PHKA1: variants seen among roughly 807,000 people sequenced by gnomAD.
PHKA1 encodes the protein phosphorylase b kinase regulatory subunit alpha, skeletal muscle isoform.
In PHKA1, 60 loss-of-function variants were observed where a neutral mutation model predicts 110.2. The observed-to-expected ratio is 0.54, with a 90% CI of 0.44 to 0.68. The LOEUF (loss-of-function observed/expected upper bound fraction) is 0.68. Ranked by LOEUF, PHKA1 falls within the 30% of genes least tolerant of loss-of-function variation. PHKA1 has a pLI of 0.00. For missense variants in PHKA1, 801 were observed against 942.5 expected, an observed-to-expected ratio of 0.85 and a Z score of 1.97; for synonymous variants, 316 against 333.6, an observed-to-expected ratio of 0.95 and a Z score of 0.58.
intron 23 of PHKA1, among the ~76,000 whole-genome samples, chrX:72,606,734 C>T (rs1244324287): frequency 9.0e-6 from 1 of 110,994 alleles, no homozygotes; most frequent in Non-Finnish European, 1.9e-5. Flanking sequence ...TACACCCTTT[C>T]AGTTATTTTA....
chrX:72,643,177 G>A (rs782607100), intron 14 of PHKA1, among the ~76,000 whole-genome samples: 8 of 110,962 alleles, frequency 7.2e-5, no homozygotes, highest in Middle Eastern at 9.2e-3. Flanking sequence ...CTGGTTTTAA[G>A]CTGGGAATAC....
At chrX:72,601,573 A>T (rs1431498762) in intron 28 of PHKA1, among the ~76,000 whole-genome samples, 1 of 110,639 alleles carries the variant, frequency 9.0e-6, no homozygotes, top group Non-Finnish European at 1.9e-5. Context: ...CGAGGATAGG[A>T]GTTTCTGGCT....
intron 28 of PHKA1, among the ~76,000 whole-genome samples, chrX:72,600,858 A>G (rs1569426532): frequency 1.8e-5 from 2 of 111,772 alleles, no homozygotes; most frequent in Non-Finnish European, 3.8e-5. Context: ...AAAGCTAAAA[A>G]AAAGAAACGA....
intron 8 of PHKA1, among the ~76,000 whole-genome samples, chrX:72,665,338 C>A (rs2053605495): frequency 9.0e-6 from 1 of 111,233 alleles, no homozygotes; most frequent in Admixed American, 9.6e-5. Context: ...CAAGATTGAA[C>A]CAAGAAGAAA....
At chrX:72,587,710 TAGGCTCAAAATAA>T (rs1251418192) in intron 29 of PHKA1, among the ~76,000 whole-genome samples, 1 of 111,000 alleles carries the variant, frequency 9.0e-6, no homozygotes, top group East Asian at 2.8e-4. Context: ...GAGACACACA[TAGGCTCAAAATAA>T]AGGGATAGAA....
Position 72,601,999 on chromosome X carries a change from C to T in PHKA1, c.3064G>A (p.Glu1022Lys), listed in dbSNP as rs2052663523. ...ATCCCTAGTTGTTTCACCTGACTCT[C>T]AGCTGAGATTGACAGTCTACGAAAT... is the stretch of plus-strand genomic sequence containing the variant. ...VEFRRLSISAESQSPGTSMTP... is the reference protein window; with the variant it reads ...VEFRRLSISAKSQSPGTSMTP... Residue 1022 changes from glutamate (E) to lysine (K), a missense_variant, in exon 28 of 32, where the codon GAG becomes AAG. This residue lies in a region of PHKA1 where 502 missense variants were observed against 519.2 expected (regional missense o/e 0.97). Coordinates refer to ENST00000373542, the MANE Select transcript of PHKA1 (RefSeq NM_002637.4). 1 of 1,197,275 alleles carries T rather than the reference C, an allele frequency of 8.4e-7. No homozygotes were observed. Among genetic ancestry groups the T allele is most frequent in the Admixed American group, 2.2e-5 (1 of 45,501 alleles).
intron 3 of PHKA1, among the ~76,000 whole-genome samples, chrX:72,702,632 T>C (rs953166704): frequency 9.0e-6 from 1 of 111,571 alleles, no homozygotes; most frequent in African/African-American, 3.3e-5. Context: ...CACAACCTGC[T>C]AAAAATGAGC....
At chrX:72,603,256 A>T in intron 25 of PHKA1, 36 bp from the exon 26 acceptor site, 1 of 885,603 alleles carries the variant, frequency 1.1e-6, no homozygotes, top group African/African-American at 1.9e-5. Flanking sequence ...AAGGACTTCT[A>T]ATTTGCCTGC....
intron 10 of PHKA1, among the ~76,000 whole-genome samples, chrX:72,654,031 A>C (rs1364889949): frequency 1.8e-5 from 2 of 110,164 alleles, no homozygotes; most frequent in African/African-American, 6.7e-5. Context: ...AAAATGTAAA[A>C]AAAAAAACAA....
chrX:72,677,170 T>C (rs1556312206), intron 5 of PHKA1, among the ~76,000 whole-genome samples: 2 of 112,185 alleles, frequency 1.8e-5, no homozygotes, highest in Non-Finnish European at 3.8e-5. Context: ...TGCTTAATGT[T>C]TTCTCATTAG....
At chrX:72,663,427 A>G (rs2053583484) in intron 8 of PHKA1, among the ~76,000 whole-genome samples, 1 of 111,369 alleles carries the variant, frequency 9.0e-6, no homozygotes. Context: ...TAGAAAGACA[A>G]GAGATGGGAA....
chrX:72,666,454 C>T (rs1029585104), intron 7 of PHKA1, among the ~76,000 whole-genome samples, 157 bp from the exon 8 acceptor site: 10 of 112,007 alleles, frequency 8.9e-5, no homozygotes, highest in Non-Finnish European at 3.8e-5. Flanking sequence ...AATACCTTAG[C>T]ATTGTAAAAC....
chrX:72,607,074 TA>T (rs2052739206), intron 23 of PHKA1, among the ~76,000 whole-genome samples: 2 of 111,940 alleles, frequency 1.8e-5, no homozygotes, highest in East Asian at 5.6e-4. Flanking sequence ...TGTGTCTGAA[TA>T]GTACTCCCTT....
intron 29 of PHKA1, 108 bp from the exon 30 acceptor site, chrX:72,584,410 G>T: frequency 2.8e-6 from 2 of 725,366 alleles, no homozygotes; most frequent in Non-Finnish European, 4.3e-6. Flanking sequence ...GCCTCATGTG[G>T]TATATGCTGA....
At chrX:72,589,614 A>G (rs1330541340) in intron 29 of PHKA1, among the ~76,000 whole-genome samples, 4 of 110,508 alleles carry the variant, frequency 3.6e-5, no homozygotes, top group African/African-American at 1.3e-4. Flanking sequence ...AGGGTATTCA[A>G]TTAGGAAAAG....
In PHKA1 at chrX:72,603,361, C is replaced by A. The variant is rs2147676924; in HGVS notation, c.2816-141G>T. 2.1e-5 allele frequency: 10 copies of A among 475,917 alleles called. 2 individuals are homozygous for A. The South Asian group carries it at 3.0e-4, about 14-fold the overall frequency. The allele number at this position is 475,917 out of a possible 1,213,427, so 39.2% of individuals were successfully genotyped here. A position where few individuals can be genotyped will look rare whatever the true frequency, so the allele number is the denominator to read the frequency against. On this transcript the variant is annotated intron_variant, in intron 25 of 31. Coordinates refer to ENST00000373542, the MANE Select transcript of PHKA1 (RefSeq NM_002637.4). ...AGAATTACAAAATAAATTGATAGCACCCTACTGCTTAGGTATTCTTACTTC... is the reference window on the plus strand; with the variant it reads ...AGAATTACAAAATAAATTGATAGCAACCTACTGCTTAGGTATTCTTACTTC...
At chrX:72,671,421 T>A (rs1272971172) in intron 6 of PHKA1, among the ~76,000 whole-genome samples, 1 of 110,883 alleles carries the variant, frequency 9.0e-6, no homozygotes, top group Admixed American at 9.6e-5. Flanking sequence ...AAACCACTAC[T>A]CAATGAAATA....
At chrX:72,586,900 C>T (rs188872860) in intron 29 of PHKA1, among the ~76,000 whole-genome samples, 10 of 110,295 alleles carry the variant, frequency 9.1e-5, no homozygotes, top group African/African-American at 2.6e-4. Flanking sequence ...TAAAAAGAAA[C>T]GAACAAAGCC....
In PHKA1 at chrX:72,666,309, G is replaced by T. The variant is rs782227106; in HGVS notation, c.718-12C>A. Reference sequence around the variant, plus strand: ...GAATTTAGGATAGACTAAGAGAAAAGAAGTTAAGTTTATATAAAAGGATGT... The same window carrying T: ...GAATTTAGGATAGACTAAGAGAAAATAAGTTAAGTTTATATAAAAGGATGT... On this transcript the variant is annotated splice_polypyrimidine_tract_variant and intron_variant, in intron 7 of 31. Transcript: ENST00000373542. The T allele has an allele frequency of 5.3e-5, 63 of 1,196,127 alleles. No homozygotes were observed. In the Admixed American group the frequency reaches 1.3e-3, roughly 24 times the overall value.
Sources: gnomAD v4.1 joint callset for allele counts (sites outside exome capture counted in the v4.1 genomes callset) on GRCh38, gnomAD v4.1.1 for gene constraint, gnomAD v4.1.1 regional missense constraint, MANE v1.5 for transcripts, NCBI Gene and HGNC (gene_info 2026-07-23, HGNC 2026-07-21) for gene names.